KIF1A: variants seen among roughly 807,000 people sequenced by gnomAD.
KIF1A encodes the protein kinesin family member 1A, also known as kinesin-like protein KIF1A.
KIF1A carries 46 observed loss-of-function variants against 227.3 expected under a neutral mutation model. That is an observed-to-expected ratio of 0.20 (90% CI 0.16 to 0.26). The LOEUF is 0.26. Among genes scored for constraint, KIF1A ranks in the 10% least tolerant of loss-of-function variants. The pLI is 1.00. For synonymous variants in KIF1A, 1,022 were observed against 1,012.8 expected (o/e 1.01, Z -0.17); for missense variants, 1,683 against 2,485.9 (o/e 0.68, Z 6.87).
intron 1 of KIF1A, among the ~76,000 whole-genome samples, chr2:240,807,134 A>G (rs202224751): frequency 0.024 from 1,340 of 55,916 alleles, 7 homozygotes; most frequent in East Asian, 0.042. Flanking sequence ...GTGTGTGTAT[A>G]TATATATATA....
rs193051132 is a variant in KIF1A, at chr2:240,742,703, C to G, written c.3640+226G>C. The stretch of plus-strand genomic sequence containing the variant: ...CCCTCTTGCTGCCTTCCTTCCTTGG[C>G]TCCCCACACCTCTGCCACCAGCTCC... On this transcript the variant is annotated intron_variant, in intron 34 of 48. Transcript: ENST00000498729. Among the ~76,000 whole-genome samples the G allele has an allele frequency of 1.8e-3, 275 of 152,318 alleles. 2 individuals are homozygous for G. The highest frequency in any genetic ancestry group is 6.1e-3 in the African/African-American group (254 of 41,568).
Position 240,775,746 on chromosome 2 carries a change from G to A in KIF1A, c.958+105C>T. 1.3e-6 allele frequency: 1 copy of A among 773,324 alleles called. No individual in the cohort carries two copies. Among genetic ancestry groups the A allele is most frequent in the Non-Finnish European group, 2.3e-6 (1 of 436,592 alleles). 47.9% of individuals were successfully genotyped at this position (773,324 alleles called of 1,614,324 possible). A position where few individuals can be genotyped will look rare whatever the true frequency, so the allele number is the denominator to read the frequency against. The stretch of plus-strand genomic sequence containing the variant: ...TCACCTCCCAGCCTCAGCCCAGAAA[G>A]GGTGAGAGGCCTGCTGGCGACTGGG... On this transcript the variant is annotated intron_variant, in intron 11 of 48. Coordinates refer to ENST00000498729, the MANE Select transcript of KIF1A (RefSeq NM_001244008.2). This position sits in a 1 kb window ranked among gnomAD's most constrained non-coding sequence, Gnocchi z 5.5.
At chr2:240,773,791 G>A (rs921618003) in intron 12 of KIF1A, among the ~76,000 whole-genome samples, 11 of 152,136 alleles carry the variant, frequency 7.2e-5, no homozygotes, top group African/African-American at 2.4e-4. Context: ...GCATGGCTAG[G>A]GGCCCAGGCT....
intron 10 of KIF1A, among the ~76,000 whole-genome samples, chr2:240,779,033 T>C (rs557295570): frequency 1.3e-5 from 2 of 151,956 alleles, no homozygotes; most frequent in East Asian, 1.9e-4. Flanking sequence ...CACACTCAGT[T>C]CCACACTCAG....
chr2:240,807,857 A>T (rs2057555971), intron 1 of KIF1A, among the ~76,000 whole-genome samples: 1 of 152,240 alleles, frequency 6.6e-6, no homozygotes, highest in Non-Finnish European at 1.5e-5. Flanking sequence ...ATAGCTTGAC[A>T]TTAGGATAGC....
Position 240,757,657 on chromosome 2 carries a change from G to C in KIF1A, c.2583-63C>G. 9 of 1,508,004 alleles carry C rather than the reference G, an allele frequency of 6.0e-6. No individual in the cohort carries two copies. Among genetic ancestry groups the C allele is most frequent in the Non-Finnish European group, 6.2e-6 (7 of 1,120,778 alleles). The allele number at this position is 1,508,004 out of a possible 1,614,324, so 93.4% of individuals were successfully genotyped here. A position where few individuals can be genotyped will look rare whatever the true frequency, so the allele number is the denominator to read the frequency against. On this transcript the variant is annotated intron_variant, in intron 26 of 48. Coordinates refer to ENST00000498729, the MANE Select transcript of KIF1A (RefSeq NM_001244008.2). The surrounding 1 kb of genome is among the most constrained non-coding windows in gnomAD (Gnocchi z 6.2). ...CAGCGACTCGCAGGGACGAACAGGG[G>C]CCGGGGCCGGGGCTGGGGGGCTTCT...
At chr2:240,780,298 C>T (rs1295915224) in intron 10 of KIF1A, among the ~76,000 whole-genome samples, 1 of 152,108 alleles carries the variant, frequency 6.6e-6, no homozygotes, top group Non-Finnish European at 1.5e-5. Context: ...CCACACCCCT[C>T]CACACACTTC....
At chr2:240,733,586 C>A (rs2046996638) in intron 38 of KIF1A, among the ~76,000 whole-genome samples, 1 of 152,196 alleles carries the variant, frequency 6.6e-6, no homozygotes, top group African/African-American at 2.4e-5. Context: ...CCCGGCCACC[C>A]CTGGGCAGAG....
At chr2:240,732,367 G>A (rs2046800327) in intron 38 of KIF1A, among the ~76,000 whole-genome samples, 1 of 143,034 alleles carries the variant, frequency 7.0e-6, no homozygotes, top group African/African-American at 2.7e-5. Context: ...AGGAAAAAAT[G>A]AAGGGAAGAG....
rs539122214 is a variant in KIF1A, at chr2:240,789,775, G to T, written c.107-463C>A. 6.6e-6 allele frequency among the ~76,000 whole-genome samples: 1 copy of T among 152,096 alleles called. No individual in the cohort carries two copies. The highest frequency in any genetic ancestry group is 2.4e-5 in the African/African-American group (1 of 41,406). ...TGGGCGTCCATCACGTTTGTGTTACGCCTGTGCGGTTCTTCTAGGCTTGCT... is the reference window on the plus strand; with the variant it reads ...TGGGCGTCCATCACGTTTGTGTTACTCCTGTGCGGTTCTTCTAGGCTTGCT... On this transcript the variant is annotated intron_variant, in intron 2 of 48. Coordinates refer to ENST00000498729, the MANE Select transcript of KIF1A (RefSeq NM_001244008.2). This position sits in a 1 kb window ranked among gnomAD's most constrained non-coding sequence, Gnocchi z 4.8.
intron 27 of KIF1A, among the ~76,000 whole-genome samples, chr2:240,753,391 C>G (rs2049449994): frequency 6.6e-6 from 1 of 152,218 alleles, no homozygotes; most frequent in South Asian, 2.1e-4. Context: ...TGAACAAACG[C>G]TGTGTGGAAC....
intron 7 of KIF1A, among the ~76,000 whole-genome samples, chr2:240,784,035 G>A (rs2054404512): frequency 6.6e-6 from 1 of 152,142 alleles, no homozygotes; most frequent in Non-Finnish European, 1.5e-5. Flanking sequence ...TGAGTGCCCA[G>A]CCACCTCCCC....
At chr2:240,748,722 C>T in intron 28 of KIF1A, 3 of 280,562 alleles carry the variant, frequency 1.1e-5, no homozygotes, top group South Asian at 3.1e-5. Flanking sequence ...CCCAGCTGGG[C>T]CCCCTGATTC....
rs1400223514 is a variant in KIF1A at position 240,786,533 on chromosome 2, C to T, written c.430-20G>A. ...GCTGACCTGCAGGGCAGAGCCAGGC[C>T]ATCAGGGGCCCCTGAGGCGAGGGAG... On this transcript the variant is annotated intron_variant, in intron 5 of 48. Transcript: ENST00000498729. 6.2e-7 allele frequency: 1 copy of T among 1,610,718 alleles called. No individual in the cohort carries two copies. The highest frequency in any genetic ancestry group is 8.5e-7 in the Non-Finnish European group (1 of 1,178,900).
intron 28 of KIF1A, 148 bp from the exon 29 acceptor site, chr2:240,747,469 G>C (rs2048743265): frequency 1.6e-6 from 1 of 625,090 alleles, no homozygotes; most frequent in African/African-American, 1.8e-5. Flanking sequence ...GCCACCCGTG[G>C]CTCAGTGACA....
rs1166618196 is a variant in KIF1A, at chr2:240,788,746, G to C, written c.183+490C>G. 6.6e-6 allele frequency among the ~76,000 whole-genome samples: 1 copy of C among 152,100 alleles called. No homozygotes were observed. The highest frequency in any genetic ancestry group is 2.4e-5 in the African/African-American group (1 of 41,408). The stretch of plus-strand genomic sequence containing the variant: ...GCGGGGAGCCCTGGGGCTGTTATGG[G>C]GGGCAGGTGCTCAGAGATATAGATA... On this transcript the variant is annotated intron_variant, in intron 3 of 48. Transcript: ENST00000498729. The surrounding 1 kb of genome is among the most constrained non-coding windows in gnomAD (Gnocchi z 6.6).
Position 240,771,079 on chromosome 2 carries a change from G to T in KIF1A, c.1233C>A (p.Ser411Arg), listed in dbSNP as rs201140044. ...PKLTNALVGMSPSSSLSALSS... is the reference protein window; with the variant it reads ...PKLTNALVGMRPSSSLSALSS... ...ACAGGGCTGAGAGCGAGGATGAGGGGCTCATACCCACCAGGGCATTGGTCA... is the reference window on the plus strand; with the variant it reads ...ACAGGGCTGAGAGCGAGGATGAGGGTCTCATACCCACCAGGGCATTGGTCA... Residue 411 changes from serine to arginine, a missense_variant, in exon 15 of 49, where the codon AGC becomes AGA. Ser to Arg is a moderately radical substitution (Grantham distance 110). Around this residue, in one of 12 missense-constraint regions of KIF1A, gnomAD observed 110 missense variants for 133.1 expected, o/e 0.83. Coordinates refer to ENST00000498729, the MANE Select transcript of KIF1A (RefSeq NM_001244008.2). 2 of 1,613,462 alleles carry T rather than the reference G, an allele frequency of 1.2e-6. No individual in the cohort carries two copies. The highest frequency in any genetic ancestry group is 1.7e-6 in the Non-Finnish European group (2 of 1,179,812).
chr2:240,812,956 AGGATCCACCTTCACCTCGG>A (rs2058038581), intron 1 of KIF1A, among the ~76,000 whole-genome samples: 64 of 59,884 alleles, frequency 1.1e-3, no homozygotes, highest in African/African-American at 3.6e-3. Context: ...CTTCACCTCA[AGGATCCACCTTCACCTCGG>A]GGATCCGCCT....
At chr2:240,727,224 G>A (rs1158961905) in intron 38 of KIF1A, among the ~76,000 whole-genome samples, 1 of 152,228 alleles carries the variant, frequency 6.6e-6, no homozygotes, top group African/African-American at 2.4e-5. Context: ...TGGAAGGAGA[G>A]GAGGCGGCAG....
Sources: gnomAD v4.1 joint callset for allele counts (sites outside exome capture counted in the v4.1 genomes callset) on GRCh38, gnomAD v4.1.1 for gene constraint, gnomAD v4.1.1 regional missense constraint, Gnocchi (gnomAD v3.1) non-coding constraint, MANE v1.5 for transcripts, NCBI Gene and HGNC (gene_info 2026-07-23, HGNC 2026-07-21) for gene names.